The following PCDH15 variants were observed in gnomAD, a reference collection of about 807,000 sequenced individuals.
The protein encoded by PCDH15 is protocadherin-15.
A neutral mutation model predicts 178.5 loss-of-function variants in PCDH15; 129 were observed. The observed-to-expected ratio is 0.72, with a 90% confidence interval of 0.63 to 0.84. PCDH15 has a LOEUF of 0.84. Ranked by LOEUF, PCDH15 falls within the 40% of genes least tolerant of loss-of-function variation. PCDH15 has a pLI of 0.00. For missense variants in PCDH15, 2,230 were observed against 2,099.9 expected (o/e 1.06, Z -1.21); for synonymous variants, 800 against 732.0 (o/e 1.09, Z -1.50).
chr10:54,839,876 G>GA (rs554720092), intron 3 of PCDH15, among the ~76,000 whole-genome samples: 63 of 148,894 alleles, frequency 4.2e-4, no homozygotes, highest in Non-Finnish European at 7.2e-4. Flanking sequence ...AGTGCTGAAG[G>GA]AAAAAAAAAA....
intron 2 of PCDH15, among the ~76,000 whole-genome samples, chr10:55,346,850 C>A (rs1844770719): frequency 6.6e-6 from 1 of 151,922 alleles, no homozygotes; most frequent in Non-Finnish European, 1.5e-5. Context: ...TGATTGAGAG[C>A]AGAGAATCCA....
At chr10:55,379,265 A>C (rs1837476923) in intron 2 of PCDH15, among the ~76,000 whole-genome samples, 1 of 152,030 alleles carries the variant, frequency 6.6e-6, no homozygotes, top group Non-Finnish European at 1.5e-5. Flanking sequence ...TGGTAATCAC[A>C]GACGCTTTCT....
intron 1 of PCDH15, among the ~76,000 whole-genome samples, chr10:54,764,243 T>C (rs139658991): frequency 1.3e-5 from 2 of 152,144 alleles, no homozygotes; most frequent in Non-Finnish European, 2.9e-5. Context: ...ATTTTGAGAT[T>C]TGCTAATTCA....
At chr10:53,989,422 GTAT>G (rs1303442351) in intron 21 of PCDH15, among the ~76,000 whole-genome samples, 1 of 152,028 alleles carries the variant, frequency 6.6e-6, no homozygotes, top group Non-Finnish European at 1.5e-5. Context: ...TTAATTTCAA[GTAT>G]TATTAATAAT....
intron 8 of PCDH15, among the ~76,000 whole-genome samples, chr10:54,247,881 A>AATATAT (rs1554857291): frequency 8.1e-5 from 12 of 148,550 alleles, no homozygotes; most frequent in Middle Eastern, 3.6e-3. Flanking sequence ...AAAAAAAAGA[A>AATATAT]ATATGTATAT....
At chr10:54,263,515 C>T (rs7093514) in intron 8 of PCDH15, among the ~76,000 whole-genome samples, 12,212 of 152,218 alleles carry the variant, frequency 0.08, 889 homozygotes, top group African/African-American at 0.19. Context: ...AAGACCCCAC[C>T]TGCCAGCTCT....
intron 2 of PCDH15, among the ~76,000 whole-genome samples, chr10:55,388,129 T>TA (rs1837706106): frequency 6.6e-6 from 1 of 152,098 alleles, no homozygotes; most frequent in African/African-American, 2.4e-5. Context: ...TTTCTCTTCC[T>TA]ATGTTCTGTA....
chr10:54,226,359 T>G (rs2053448125), intron 9 of PCDH15, among the ~76,000 whole-genome samples: 1 of 152,190 alleles, frequency 6.6e-6, no homozygotes, highest in Admixed American at 6.5e-5. Context: ...GCCACCATTA[T>G]TCAGTTATCT....
chr10:54,831,767 G>T (rs1953230760), intron 3 of PCDH15, among the ~76,000 whole-genome samples: 1 of 151,898 alleles, frequency 6.6e-6, no homozygotes, highest in Admixed American at 6.6e-5. Flanking sequence ...ATAGTATAGA[G>T]ATTTTACTAC....
chr10:54,540,991 T>C (rs2085148659), intron 2 of PCDH15, among the ~76,000 whole-genome samples: 1 of 152,104 alleles, frequency 6.6e-6, no homozygotes, highest in Non-Finnish European at 1.5e-5. Context: ...ACAAACTCTG[T>C]ATCAAGGGAA....
intron 3 of PCDH15, among the ~76,000 whole-genome samples, chr10:54,463,893 C>CA (rs1252400339): frequency 1.3e-5 from 2 of 152,180 alleles, no homozygotes; most frequent in Non-Finnish European, 2.9e-5. Flanking sequence ...GGAAGAAACA[C>CA]AGAGAAGAGG....
chr10:54,774,118 T>A (rs1336862488), intron 1 of PCDH15, among the ~76,000 whole-genome samples: 1 of 140,294 alleles, frequency 7.1e-6, no homozygotes, highest in Non-Finnish European at 1.5e-5. Flanking sequence ...AAGCTCCGCC[T>A]CCTGGGTTCA....
chr10:55,056,597 A>G (rs1236083608), intron 2 of PCDH15, among the ~76,000 whole-genome samples: 2 of 137,382 alleles, frequency 1.5e-5, no homozygotes, highest in African/African-American at 5.4e-5. Context: ...TATTTGATTT[A>G]TTTTTATTTT....
intron 3 of PCDH15, among the ~76,000 whole-genome samples, chr10:54,383,087 C>T (rs1279388400): frequency 1.3e-5 from 2 of 152,138 alleles, no homozygotes; most frequent in Middle Eastern, 3.4e-3. Flanking sequence ...CCTACAGCTA[C>T]TAGCAATTTA....
At chr10:54,152,515 T>C (rs1383805803) in intron 14 of PCDH15, among the ~76,000 whole-genome samples, 1 of 151,896 alleles carries the variant, frequency 6.6e-6, no homozygotes, top group African/African-American at 2.4e-5. Flanking sequence ...GATACATTCA[T>C]TGTGAATGGA....
chr10:54,867,957 C>T (rs10740601), intron 3 of PCDH15, among the ~76,000 whole-genome samples: 151,821 of 152,290 alleles, frequency 1, 75,679 homozygotes, highest in Non-Finnish European at 1. Context: ...GAAAAATAGA[C>T]CTTTAATGTT....
chr10:54,171,628 A>G (rs1052654745), intron 13 of PCDH15, among the ~76,000 whole-genome samples: 2 of 151,898 alleles, frequency 1.3e-5, no homozygotes, highest in African/African-American at 4.8e-5. Context: ...GCTATCCCCA[A>G]ACTGCCACTC....
chr10:55,189,894 C>T (rs1333006971), intron 1 of PCDH15, among the ~76,000 whole-genome samples: 2 of 151,646 alleles, frequency 1.3e-5, no homozygotes, highest in African/African-American at 4.8e-5. Flanking sequence ...TATCCCATGA[C>T]CCAGAAATTA....
chr10:54,513,997 G>A (rs1201278273), intron 3 of PCDH15, among the ~76,000 whole-genome samples: 2 of 152,170 alleles, frequency 1.3e-5, no homozygotes, highest in Non-Finnish European at 2.9e-5. Flanking sequence ...TCTCCCTAGA[G>A]CATGGCTTCG....
Sources: gnomAD v4.1 joint callset for allele counts (sites outside exome capture counted in the v4.1 genomes callset) on GRCh38, gnomAD v4.1.1 for gene constraint, MANE v1.5 for transcripts, NCBI Gene and HGNC (gene_info 2026-07-23, HGNC 2026-07-21) for gene names.